The following GPR139 variants were observed in gnomAD, a reference collection of about 807,000 sequenced individuals.
GPR139 encodes the protein G protein-coupled receptor 139.
Under a neutral mutation model 25.8 loss-of-function variants are expected in GPR139, and 12 were observed. The observed-to-expected ratio is 0.47, with a 90% CI of 0.30 to 0.75. The LOEUF is 0.75. GPR139 is among the 30% of genes least tolerant of loss of function. The pLI, the probability that GPR139 is intolerant of heterozygous loss-of-function variation, is 0.07. For synonymous variants in GPR139, 184 were observed against 179.9 expected (o/e 1.02, Z -0.18); for missense variants, 380 against 450.2 (o/e 0.84, Z 1.41).
At chr16:20,059,850 T>G (rs188679883) in intron 1 of GPR139, among the ~76,000 whole-genome samples, 10 of 152,280 alleles carry the variant, frequency 6.6e-5, no homozygotes, top group Admixed American at 3.3e-4. Context: ...GTTGCAGCAC[T>G]GAACTCAAGC....
intron 1 of GPR139, among the ~76,000 whole-genome samples, chr16:20,060,387 T>A (rs1307541956): frequency 6.6e-6 from 1 of 151,888 alleles, no homozygotes; most frequent in Non-Finnish European, 1.5e-5. Flanking sequence ...TCTGTGTGTC[T>A]ATATGTGTGT....
rs1405258581 is a variant in GPR139 at position 20,031,540 on chromosome 16, A to G, written c.*195T>C. On this transcript the variant is annotated 3_prime_UTR_variant, in exon 2 of 2. Transcript: ENST00000570682. ...ATTACGACTCTGTGGAAATAAATGC[A>G]TAAGTAAAAACAAGCTTCATGCTCT... is the stretch of plus-strand genomic sequence containing the variant. 8 of 592,700 alleles carry G rather than the reference A, an allele frequency of 1.3e-5. No homozygotes were observed. Among genetic ancestry groups the G allele is most frequent in the South Asian group, 4.3e-5 (2 of 46,270 alleles). The allele number at this position is 592,700 out of a possible 1,614,324, so 36.7% of individuals were successfully genotyped here. A position where few individuals can be genotyped will look rare whatever the true frequency, so the allele number is the denominator to read the frequency against.
chr16:20,043,963 TG>T (rs34220355), intron 1 of GPR139, among the ~76,000 whole-genome samples: 40,653 of 152,076 alleles, frequency 0.27, 6,083 homozygotes, highest in African/African-American at 0.39. Context: ...CTTTTCTAGC[TG>T]GTGCTTTTGG....
chr16:20,057,040 C>T (rs2057391095), intron 1 of GPR139, among the ~76,000 whole-genome samples: 1 of 152,140 alleles, frequency 6.6e-6, no homozygotes, highest in African/African-American at 2.4e-5. Context: ...AGACACAGTT[C>T]CTTGAAACAG....
intron 1 of GPR139, among the ~76,000 whole-genome samples, chr16:20,044,479 G>A (rs148150127): frequency 3.0e-4 from 46 of 152,218 alleles, no homozygotes; most frequent in Non-Finnish European, 5.4e-4. Context: ...TGACAGCATC[G>A]TGGCTCACAT....
intron 1 of GPR139, among the ~76,000 whole-genome samples, chr16:20,049,261 G>T (rs1242888217): frequency 2.6e-5 from 4 of 152,126 alleles, no homozygotes; most frequent in Non-Finnish European, 5.9e-5. Flanking sequence ...GACTCCCCAA[G>T]GCTCTCTCTG....
chr16:20,073,376 A>C lies in GPR139; in HGVS notation c.127+114T>G. The C allele has an allele frequency of 1.4e-6, 2 of 1,476,536 alleles. No homozygotes were observed. Among genetic ancestry groups the C allele is most frequent in the Non-Finnish European group, 1.8e-6 (2 of 1,086,012 alleles). The allele number at this position is 1,476,536 out of a possible 1,614,324, so 91.5% of individuals were successfully genotyped here. ...ATATCCATAGTTGCCCTTAAAGCTT[A>C]AACTTTTTCCGAGGGGGCGCCAGGG... is the stretch of plus-strand genomic sequence containing the variant. On this transcript the variant is annotated intron_variant, in intron 1 of 1. Transcript: ENST00000570682. This position sits in a 1 kb window ranked among gnomAD's most constrained non-coding sequence, Gnocchi z 4.7.
intron 1 of GPR139, among the ~76,000 whole-genome samples, chr16:20,034,532 T>G (rs2057303301): frequency 6.6e-6 from 1 of 152,188 alleles, no homozygotes; most frequent in Non-Finnish European, 1.5e-5. Flanking sequence ...ATATTCTTTC[T>G]TTCTTTCTTT....
chr16:20,033,681 G>A (rs549212393), intron 1 of GPR139, among the ~76,000 whole-genome samples: 1 of 152,170 alleles, frequency 6.6e-6, no homozygotes, highest in Non-Finnish European at 1.5e-5. Flanking sequence ...TTTGGAATAG[G>A]TAATCTACGT....
At chr16:20,042,265 T>C (rs992991220) in intron 1 of GPR139, among the ~76,000 whole-genome samples, 1 of 152,238 alleles carries the variant, frequency 6.6e-6, no homozygotes, top group African/African-American at 2.4e-5. Context: ...CTATCGTTAC[T>C]TTTTAACATT....
At chr16:20,070,328 C>G (rs753317974) in intron 1 of GPR139, among the ~76,000 whole-genome samples, 1 of 152,150 alleles carries the variant, frequency 6.6e-6, no homozygotes, top group African/African-American at 2.4e-5. Flanking sequence ...TTTTCTTGGA[C>G]AAGGCACTGT....
intron 1 of GPR139, among the ~76,000 whole-genome samples, chr16:20,046,551 A>G (rs1301588644): frequency 6.6e-6 from 1 of 152,180 alleles, no homozygotes; most frequent in South Asian, 2.1e-4. Context: ...AGGGAGGCAG[A>G]CAGGGAAAGA....
intron 1 of GPR139, among the ~76,000 whole-genome samples, chr16:20,051,451 C>G (rs894371750): frequency 5.9e-5 from 9 of 152,202 alleles, no homozygotes; most frequent in Admixed American, 1.3e-4. Flanking sequence ...GACCCACGTT[C>G]TCTTGGCAGA....
At chr16:20,052,693 A>T (rs2057376595) in intron 1 of GPR139, among the ~76,000 whole-genome samples, 1 of 149,804 alleles carries the variant, frequency 6.7e-6, no homozygotes, top group Non-Finnish European at 1.5e-5. Context: ...GCCACTCGGG[A>T]GGCTGAGGCA....
intron 1 of GPR139, among the ~76,000 whole-genome samples, chr16:20,059,912 G>A (rs2764780): frequency 2.0e-5 from 3 of 152,152 alleles, no homozygotes; most frequent in South Asian, 2.1e-4. Context: ...GTCCTCTGCC[G>A]GGAAGAAGGG....
intron 1 of GPR139, among the ~76,000 whole-genome samples, chr16:20,034,488 G>T (rs1277996220): frequency 6.6e-6 from 1 of 152,150 alleles, no homozygotes; most frequent in Non-Finnish European, 1.5e-5. Flanking sequence ...CCACCATGCT[G>T]CAGGCTGTGT....
intron 1 of GPR139, among the ~76,000 whole-genome samples, chr16:20,034,390 A>T (rs574661903): frequency 6.6e-6 from 1 of 152,356 alleles, no homozygotes; most frequent in Admixed American, 6.5e-5. Flanking sequence ...CTCTCTTTAA[A>T]GAAAGAAATG....
intron 1 of GPR139, among the ~76,000 whole-genome samples, chr16:20,070,701 G>A (rs1414881119): frequency 6.6e-6 from 1 of 152,184 alleles, no homozygotes; most frequent in Non-Finnish European, 1.5e-5. Context: ...CGAGAATTTG[G>A]GAAACTTGGG....
intron 1 of GPR139, among the ~76,000 whole-genome samples, chr16:20,041,120 G>A (rs532366259): frequency 0.022 from 88 of 4,000 alleles, 1 homozygote; most frequent in African/African-American, 0.1. Flanking sequence ...AGAAAGGAAA[G>A]GAAAGGAAAG....
Sources: allele counts gnomAD v4.1 joint callset (sites outside exome capture counted in the v4.1 genomes callset), GRCh38; gene constraint gnomAD v4.1.1; non-coding constraint Gnocchi (gnomAD v3.1); transcripts MANE v1.5; gene names NCBI Gene and HGNC (gene_info 2026-07-23, HGNC 2026-07-21).